SPMIP5: variants seen among roughly 807,000 people sequenced by gnomAD.
The protein encoded by SPMIP5 is sperm microtubule inner protein 5.
At chr10:116,664,686 T>A in the SPMIP5 span, 1 of 1,557,786 alleles carries the variant, frequency 6.4e-7, no homozygotes, top group Non-Finnish European at 8.7e-7. Context: ...TGGGGACATC[T>A]GGTAAACCCC....
chr10:116,663,696 T>C, the SPMIP5 span: 1 of 547,708 alleles, frequency 1.8e-6, no homozygotes. Context: ...AACTTTAGCA[T>C]GCGGAGAAGC....
At chr10:116,664,210 C>T in the SPMIP5 span, 3 of 1,613,898 alleles carry the variant, frequency 1.9e-6, no homozygotes, top group Non-Finnish European at 2.5e-6. Context: ...GGCAGCAGCT[C>T]TTCATGCTGC....
the SPMIP5 span, among the ~76,000 whole-genome samples, chr10:116,669,503 A>T: frequency 6.6e-6 from 1 of 152,106 alleles, no homozygotes; most frequent in African/African-American, 2.4e-5. Flanking sequence ...AATCCTCTCA[A>T]CAGCCCCATG....
At chr10:116,667,517 A>G in the SPMIP5 span, among the ~76,000 whole-genome samples, 1 of 152,124 alleles carries the variant, frequency 6.6e-6, no homozygotes, top group Non-Finnish European at 1.5e-5. Context: ...CAGAACCCAA[A>G]GCCTATTCTC....
the SPMIP5 span, chr10:116,665,146 C>T: frequency 3.8e-6 from 5 of 1,333,304 alleles, no homozygotes; most frequent in Non-Finnish European, 4.8e-6. Context: ...CCTGTAATCC[C>T]AGCACTTTGG....
At chr10:116,664,497 C>G in the SPMIP5 span, 1 of 787,876 alleles carries the variant, frequency 1.3e-6, no homozygotes. Flanking sequence ...GATGGTAGCC[C>G]TGCTGGTTTT....
At chr10:116,664,236 G>A in the SPMIP5 span, 10 of 1,610,910 alleles carry the variant, frequency 6.2e-6, no homozygotes, top group African/African-American at 2.7e-5. Context: ...TTTTGGAGAC[G>A]GAGCAGAAGT....
the SPMIP5 span, chr10:116,665,443 A>T: frequency 3.4e-6 from 2 of 583,278 alleles, no homozygotes; most frequent in Non-Finnish European, 5.9e-6. Context: ...AAAGAAAAAG[A>T]AATGTGTCTT....
At chr10:116,664,338 A>G in the SPMIP5 span, 1 of 1,067,030 alleles carries the variant, frequency 9.4e-7, no homozygotes, top group African/African-American at 1.6e-5. Flanking sequence ...AATAAATAGA[A>G]TAAAATACAA....
the SPMIP5 span, chr10:116,665,124 C>G: frequency 4.7e-5 from 65 of 1,383,010 alleles, no homozygotes; most frequent in Non-Finnish European, 5.9e-5. Flanking sequence ...TGGCCAGCCT[C>G]TGTGGCTCAT....
chr10:116,668,966 C>CACACACACACACACAA, the SPMIP5 span, among the ~76,000 whole-genome samples: 2 of 140,148 alleles, frequency 1.4e-5, no homozygotes, highest in African/African-American at 5.1e-5. Flanking sequence ...CACACACACA[C>CACACACACACACACAA]ACACAAACAA....
At chr10:116,669,371 A>T in the SPMIP5 span, among the ~76,000 whole-genome samples, 1 of 152,202 alleles carries the variant, frequency 6.6e-6, no homozygotes, top group African/African-American at 2.4e-5. Context: ...AACCCCTGGC[A>T]TCACGTACCT....
At chr10:116,665,867 G>T in the SPMIP5 span, 1 of 1,547,168 alleles carries the variant, frequency 6.5e-7, no homozygotes, top group Non-Finnish European at 8.8e-7. Context: ...AGCAAGACTG[G>T]CCAGCAAGGA....
chr10:116,664,777 G>C, the SPMIP5 span: 1 of 1,614,116 alleles, frequency 6.2e-7, no homozygotes, highest in Non-Finnish European at 8.5e-7. Context: ...TATGGTTTCA[G>C]ATGTGCCTTC....
chr10:116,664,647 A>T, the SPMIP5 span: 1 of 1,512,014 alleles, frequency 6.6e-7, no homozygotes, highest in African/African-American at 1.4e-5. Flanking sequence ...TCTAAGACAA[A>T]TCACACACAA....
At chr10:116,668,385 A>G in the SPMIP5 span, 1 of 1,337,826 alleles carries the variant, frequency 7.5e-7, no homozygotes, top group Non-Finnish European at 1.1e-6. Flanking sequence ...TTAAGGAATT[A>G]CTATTGAGTG....
the SPMIP5 span, among the ~76,000 whole-genome samples, chr10:116,669,176 C>T: frequency 2.6e-5 from 4 of 152,136 alleles, no homozygotes; most frequent in Non-Finnish European, 5.9e-5. Context: ...GAGGCCTTGC[C>T]AAGTCCTGCC....
At chr10:116,662,945 G>A in the SPMIP5 span, among the ~76,000 whole-genome samples, 1,017 of 152,190 alleles carry the variant, frequency 6.7e-3, 16 homozygotes, top group African/African-American at 0.023. Context: ...CACTTTGGGA[G>A]GCCGAGGCAG....
the SPMIP5 span, among the ~76,000 whole-genome samples, chr10:116,666,244 C>T: frequency 9.2e-5 from 14 of 152,044 alleles, no homozygotes; most frequent in African/African-American, 3.1e-4. Flanking sequence ...TCTTTCTTGC[C>T]GGACCATCAG....
Sources: allele counts gnomAD v4.1 joint callset (sites outside exome capture counted in the v4.1 genomes callset), GRCh38; gene constraint gnomAD v4.1.1; transcripts MANE v1.5; gene names NCBI Gene and HGNC (gene_info 2026-07-23, HGNC 2026-07-21).